PDE4B: variants seen among roughly 807,000 people sequenced by gnomAD.
PDE4B encodes the protein phosphodiesterase 4B, also known as 3',5'-cyclic-AMP phosphodiesterase 4B.
Under a neutral mutation model 82.2 loss-of-function variants are expected in PDE4B, and 20 were observed. That is an observed-to-expected ratio of 0.24 (90% CI 0.17 to 0.35). The LOEUF (loss-of-function observed/expected upper bound fraction) is 0.35, where lower values mean the gene tolerates loss of function less well. Ranked by LOEUF, PDE4B falls within the 10% of genes least tolerant of loss-of-function variation. The pLI, the probability that PDE4B is intolerant of heterozygous loss-of-function variation, is 1.00. For missense variants in PDE4B, 655 were observed against 907.2 expected, an observed-to-expected ratio of 0.72 and a Z score of 3.57; for synonymous variants, 320 against 318.9, an observed-to-expected ratio of 1.00 and a Z score of -0.04.
intron 1 of PDE4B, among the ~76,000 whole-genome samples, chr1:65,876,001 A>T (rs1646638041): frequency 6.6e-6 from 1 of 152,098 alleles, no homozygotes; most frequent in South Asian, 2.1e-4. Context: ...TTCATATTGT[A>T]CTCTCATCTT....
intron 16 of PDE4B, among the ~76,000 whole-genome samples, chr1:66,371,350 G>A (rs2050776107): frequency 2.6e-5 from 4 of 151,054 alleles, no homozygotes; most frequent in Admixed American, 1.3e-4. Flanking sequence ...CCATGGCAGG[G>A]GAATTCCCTT....
chr1:66,125,925 G>T (rs1645812953), intron 3 of PDE4B, among the ~76,000 whole-genome samples: 1 of 152,170 alleles, frequency 6.6e-6, no homozygotes, highest in Non-Finnish European at 1.5e-5. Context: ...TCCTGCTTCA[G>T]CCTCCTGAGT....
intron 3 of PDE4B, among the ~76,000 whole-genome samples, chr1:66,147,188 TGTCA>T (rs1253746694): frequency 7.9e-5 from 12 of 152,250 alleles, no homozygotes; most frequent in African/African-American, 2.7e-4. Flanking sequence ...CTGTGACCTT[TGTCA>T]GTCAAAGACC....
intron 4 of PDE4B, among the ~76,000 whole-genome samples, chr1:66,248,381 T>C (rs946297): frequency 0.97 from 147,480 of 152,278 alleles, 71,591 homozygotes; most frequent in East Asian, 1. Context: ...TTATATTATA[T>C]GTCATAAAAG....
intron 3 of PDE4B, among the ~76,000 whole-genome samples, chr1:66,057,948 A>G (rs1038226617): frequency 6.6e-6 from 1 of 152,226 alleles, no homozygotes; most frequent in Non-Finnish European, 1.5e-5. Flanking sequence ...CCATTTCAGC[A>G]TTAACTCAGA....
intron 1 of PDE4B, among the ~76,000 whole-genome samples, chr1:65,878,052 A>G (rs1211659275): frequency 6.6e-6 from 1 of 152,000 alleles, no homozygotes; most frequent in Non-Finnish European, 1.5e-5. Flanking sequence ...AAAAAAAACA[A>G]CCTATCAAAA....
chr1:66,081,069 C>T (rs1656696560), intron 3 of PDE4B, among the ~76,000 whole-genome samples: 2 of 151,966 alleles, frequency 1.3e-5, no homozygotes, highest in Admixed American at 6.6e-5. Flanking sequence ...AACATTCTTC[C>T]ATTTTTTGTG....
At chr1:66,092,029 C>T (rs1016733432) in intron 3 of PDE4B, among the ~76,000 whole-genome samples, 1 of 152,018 alleles carries the variant, frequency 6.6e-6, no homozygotes, top group African/African-American at 2.4e-5. Context: ...CAGTGCCTAT[C>T]ATACAAGGCG....
chr1:66,123,412 A>G (rs1645753417), intron 3 of PDE4B, among the ~76,000 whole-genome samples: 1 of 152,096 alleles, frequency 6.6e-6, no homozygotes, highest in South Asian at 2.1e-4. Flanking sequence ...TTTGAATTAT[A>G]CTTTCTCAAT....
chr1:66,309,795 C>A (rs1230209514), intron 7 of PDE4B, among the ~76,000 whole-genome samples: 1 of 152,142 alleles, frequency 6.6e-6, no homozygotes, highest in East Asian at 1.9e-4. Flanking sequence ...CCTCATGGCA[C>A]CTTGTGCTCA....
intron 3 of PDE4B, among the ~76,000 whole-genome samples, chr1:66,180,023 A>T (rs936431650): frequency 1.3e-5 from 2 of 152,202 alleles, no homozygotes; most frequent in African/African-American, 4.8e-5. Context: ...ATAACTTCTA[A>T]TGCTCATGGA....
chr1:65,974,569 T>C (rs1650311365), intron 3 of PDE4B, among the ~76,000 whole-genome samples: 1 of 152,162 alleles, frequency 6.6e-6, no homozygotes, highest in Non-Finnish European at 1.5e-5. Flanking sequence ...CATGTCAGTG[T>C]GATATGGTTT....
At chr1:66,027,919 G>A (rs533967529) in intron 3 of PDE4B, among the ~76,000 whole-genome samples, 1 of 152,324 alleles carries the variant, frequency 6.6e-6, no homozygotes, top group African/African-American at 2.4e-5. Context: ...TGGGTGTTGA[G>A]TATCTGCGAC....
chr1:66,198,539 A>G (rs547887913), intron 3 of PDE4B, among the ~76,000 whole-genome samples: 1 of 152,124 alleles, frequency 6.6e-6, no homozygotes, highest in Non-Finnish European at 1.5e-5. Context: ...CCAAAGCCTC[A>G]AAGACTGTTA....
At position 66,131,431 on chromosome 1, in the gene PDE4B, G is replaced by A. The variant is rs10157372; in HGVS notation, c.282-116029G>A. On this transcript the variant is annotated intron_variant, in intron 3 of 16. Transcript: ENST00000341517. ...TTATGAGAAATCATGTTTAAAGAAC[G>A]TATTAATGACATTGAAAACAGGTCC... Among the ~76,000 whole-genome samples the A allele has an allele frequency of 1.0e-2, 1,498 of 150,256 alleles. 29 individuals are homozygous for A. The highest frequency in any genetic ancestry group is 0.034 in the African/African-American group (1,400 of 40,972).
At chr1:66,285,407 T>C (rs187426260) in intron 7 of PDE4B, among the ~76,000 whole-genome samples, 92 of 152,228 alleles carry the variant, frequency 6.0e-4, no homozygotes, top group Non-Finnish European at 1.2e-3. Flanking sequence ...ATATATTGCA[T>C]AGTGATGAAG....
intron 3 of PDE4B, among the ~76,000 whole-genome samples, chr1:66,140,523 C>T (rs1269642498): frequency 6.6e-6 from 1 of 151,344 alleles, no homozygotes; most frequent in Non-Finnish European, 1.5e-5. Context: ...TGTACTATAC[C>T]AAAAAAAAGT....
At chr1:66,092,091 C>T (rs1318789058) in intron 3 of PDE4B, among the ~76,000 whole-genome samples, 1 of 151,996 alleles carries the variant, frequency 6.6e-6, no homozygotes, top group Non-Finnish European at 1.5e-5. Context: ...GGCTCAACAA[C>T]TCCTTTGGTT....
chr1:65,821,398 CTATT>C (rs1331221213), intron 1 of PDE4B, among the ~76,000 whole-genome samples: 1 of 152,160 alleles, frequency 6.6e-6, no homozygotes, highest in Non-Finnish European at 1.5e-5. Flanking sequence ...GATTTTGAAA[CTATT>C]TAACAAGTTC....
Sources: gnomAD v4.1 joint callset for allele counts (sites outside exome capture counted in the v4.1 genomes callset) on GRCh38, gnomAD v4.1.1 for gene constraint, MANE v1.5 for transcripts, NCBI Gene and HGNC (gene_info 2026-07-23, HGNC 2026-07-21) for gene names.